CKAP2L: variants seen among roughly 807,000 people sequenced by gnomAD.
CKAP2L encodes cytoskeleton associated protein 2L, also known as cytoskeleton-associated protein 2-like.
A neutral mutation model predicts 65.7 loss-of-function variants in CKAP2L; 42 were observed. The ratio of observed to expected loss-of-function variants is 0.64; its 90% CI spans 0.50 to 0.83. CKAP2L has a LOEUF of 0.83. Among genes scored for constraint, CKAP2L ranks in the 40% least tolerant of loss-of-function variants. The pLI is 0.00. For missense variants in CKAP2L, 908 were observed against 871.0 expected (o/e 1.04, Z -0.53); for synonymous variants, 325 against 313.5 (o/e 1.04, Z -0.39).
chr2:112,741,045 C>A, intron 7 of CKAP2L, 38 bp from the exon 8 acceptor site: 1 of 1,335,440 alleles, frequency 7.5e-7, no homozygotes, highest in Non-Finnish European at 1.1e-6. Flanking sequence ...TAAGATTTAC[C>A]AATTTAATAC....
At chr2:112,762,342 T>C (rs1680749363) in intron 2 of CKAP2L, among the ~76,000 whole-genome samples, 161 bp downstream of exon 2, 1 of 152,104 alleles carries the variant, frequency 6.6e-6, no homozygotes, top group African/African-American at 2.4e-5. Flanking sequence ...TGCCCAGGGG[T>C]TTTTGTCATG....
intron 6 of CKAP2L, among the ~76,000 whole-genome samples, chr2:112,744,742 C>T (rs187775712): frequency 2.1e-3 from 324 of 152,218 alleles, no homozygotes; most frequent in African/African-American, 7.4e-3. Flanking sequence ...GAGGAAAGAC[C>T]TAAAGATACT....
rs201461809 is a variant in CKAP2L, at chr2:112,761,549, TA to T, written c.105-786del. Among the ~76,000 whole-genome samples the T allele has an allele frequency of 5.3e-3, 688 of 130,870 alleles. 7 individuals carry two copies. The highest frequency in any genetic ancestry group is 0.016 in the African/African-American group (581 of 35,402). The allele number at this position is 130,870 out of a possible 152,430, so 85.9% of individuals were successfully genotyped here. The stretch of plus-strand genomic sequence containing the variant: ...TAACTTTAAGGGGGTAAAGAAATAT[TA>T]AAAAAAAAAAAACCAAGACACACAT... On this transcript the variant is annotated intron_variant, in intron 2 of 8. Coordinates refer to ENST00000302450, the MANE Select transcript of CKAP2L (RefSeq NM_152515.5).
At chr2:112,749,321 T>C (rs975383200) in intron 5 of CKAP2L, among the ~76,000 whole-genome samples, 2 of 152,214 alleles carry the variant, frequency 1.3e-5, no homozygotes, top group Non-Finnish European at 2.9e-5. Context: ...AATCTTTCTG[T>C]ACCTAACAAC....
intron 4 of CKAP2L, 64 bp downstream of exon 4, chr2:112,755,913 C>G: frequency 1.4e-6 from 2 of 1,464,206 alleles, no homozygotes; most frequent in Non-Finnish European, 1.8e-6. Flanking sequence ...CTGACCTAGT[C>G]TTCTTGATGG....
At chr2:112,747,806 A>G (rs1330781002) in intron 5 of CKAP2L, among the ~76,000 whole-genome samples, 2 of 152,262 alleles carry the variant, frequency 1.3e-5, no homozygotes, top group Non-Finnish European at 2.9e-5. Context: ...ACAAACAAGA[A>G]TGAACACTGG....
At position 112,756,760 on chromosome 2, in the gene CKAP2L, T is replaced by C. The variant is rs1401858466; in HGVS notation, c.611A>G (p.Tyr204Cys). ...GTCAGTCTTTGGCTTACTTCTGGTA[T>C]ATAATTTAGGATCTGGCTTCCTCTC... ...EPERKPDPKL[Y>C]TRSKPKTDSY... Residue 204 changes from tyrosine (Y) to cysteine (C), a missense_variant, in exon 4 of 9, where the codon TAT (tyrosine) becomes TGT (cysteine). By Grantham distance (194) the Tyr-to-Cys change is radical (BLOSUM62 -2). Transcript: ENST00000302450. 4 of 1,602,222 alleles carry C rather than the reference T, an allele frequency of 2.5e-6. No homozygotes were observed. Among genetic ancestry groups the C allele is most frequent in the African/African-American group, 1.4e-5 (1 of 73,898 alleles).
intron 2 of CKAP2L, 87 bp downstream of exon 2, chr2:112,762,416 G>A: frequency 1.0e-6 from 1 of 1,002,824 alleles, no homozygotes; most frequent in South Asian, 1.3e-5. Flanking sequence ...TAGACTCTAA[G>A]CAAAAGGGAC....
At chr2:112,762,114 T>C (rs1680739840) in intron 2 of CKAP2L, among the ~76,000 whole-genome samples, 1 of 152,216 alleles carries the variant, frequency 6.6e-6, no homozygotes, top group South Asian at 2.1e-4. Flanking sequence ...GGAGGATTGA[T>C]TGTAACTGGC....
chr2:112,760,216 C>T (rs1245861491), intron 3 of CKAP2L, among the ~76,000 whole-genome samples: 1 of 152,132 alleles, frequency 6.6e-6, no homozygotes, highest in Admixed American at 6.5e-5. Context: ...TGTTAAGTGG[C>T]TTGGAAGGTT....
intron 7 of CKAP2L, 134 bp from the exon 8 acceptor site, chr2:112,741,141 T>C (rs1171513286): frequency 4.5e-6 from 3 of 670,542 alleles, no homozygotes; most frequent in Non-Finnish European, 7.7e-6. Flanking sequence ...TGAATAGTGA[T>C]TGATTTGAAG....
chr2:112,760,836 T>A, intron 2 of CKAP2L, 72 bp from the exon 3 acceptor site: 1 of 765,634 alleles, frequency 1.3e-6, no homozygotes, highest in African/African-American at 1.9e-5. Flanking sequence ...GTACAGTGAT[T>A]AAAAATTATG....
intron 5 of CKAP2L, 93 bp downstream of exon 5, chr2:112,752,174 T>C: frequency 1.2e-6 from 1 of 855,926 alleles, no homozygotes; most frequent in Non-Finnish European, 1.9e-6. Context: ...TCTACTTAGA[T>C]GAAGGCTATC....
intron 3 of CKAP2L, among the ~76,000 whole-genome samples, chr2:112,757,481 C>T (rs544823327): frequency 6.7e-6 from 1 of 149,470 alleles, no homozygotes. Flanking sequence ...CCTCTGCCTC[C>T]TGGGTTGAAG....
Position 112,740,971 on chromosome 2 carries a change from A to G in CKAP2L, c.1859T>C (p.Ile620Thr). 1.2e-6 allele frequency: 2 copies of G among 1,613,776 alleles called. No individual in the cohort carries two copies. The highest frequency in any genetic ancestry group is 1.7e-4 in the Middle Eastern group (1 of 6,060). ...TSDSLVAETS[I>T]TSVEELAKKM... Reference sequence around the variant, plus strand: ...CTTGGCCAGCTCTTCCACTGATGTTATACTAGTTTCAGCAACTAAAGAGTC... The same window carrying G: ...CTTGGCCAGCTCTTCCACTGATGTTGTACTAGTTTCAGCAACTAAAGAGTC... Residue 620 changes from isoleucine (I) to threonine (T), a missense_variant, in exon 8 of 9, where the codon ATA becomes ACA. Transcript: ENST00000302450.
At chr2:112,764,347 G>T (rs1323441785) in intron 1 of CKAP2L, among the ~76,000 whole-genome samples, 1 of 152,226 alleles carries the variant, frequency 6.6e-6, no homozygotes, top group Non-Finnish European at 1.5e-5. Flanking sequence ...AAATACGCCC[G>T]TGAGGTATCT....
At chr2:112,755,322 T>C (rs1574334466) in intron 4 of CKAP2L, among the ~76,000 whole-genome samples, 1 of 152,168 alleles carries the variant, frequency 6.6e-6, no homozygotes, top group African/African-American at 2.4e-5. Context: ...GTATTTTTAG[T>C]AAAAACAGGG....
In CKAP2L at chr2:112,757,185, G is replaced by C. The variant is rs200907782; in HGVS notation, c.186C>G (p.Asn62Lys). Residue 62 changes from asparagine to lysine, a missense_variant, in exon 4 of 9, where the codon AAC becomes AAG. Coordinates refer to ENST00000302450, the MANE Select transcript of CKAP2L (RefSeq NM_152515.5). ...STIRPKNDVT[N>K]HVVLPVKPKR... ...TAGGTTTGACAGGCAAAACAACATGGTTGGTAACATCATTTTTGGGTCTAA... is the reference window on the plus strand; with the variant it reads ...TAGGTTTGACAGGCAAAACAACATGCTTGGTAACATCATTTTTGGGTCTAA... 1.5e-5 allele frequency: 24 copies of C among 1,609,084 alleles called. No homozygotes were observed. The highest frequency in any genetic ancestry group is 6.8e-5 in the Admixed American group (4 of 59,226).
intron 3 of CKAP2L, 130 bp from the exon 4 acceptor site, chr2:112,757,344 C>A (rs1470737142): frequency 6.0e-6 from 4 of 665,468 alleles, no homozygotes; most frequent in Non-Finnish European, 9.5e-6. Context: ...AAGTTGAATC[C>A]TCAGAAAGTA....
Sources: gnomAD v4.1 joint callset for allele counts (sites outside exome capture counted in the v4.1 genomes callset) on GRCh38, gnomAD v4.1.1 for gene constraint, MANE v1.5 for transcripts, NCBI Gene and HGNC (gene_info 2026-07-23, HGNC 2026-07-21) for gene names.